The following PTPRM variants were observed in gnomAD, a reference collection of about 807,000 sequenced individuals.
The protein encoded by PTPRM is protein tyrosine phosphatase receptor type M.
A neutral mutation model predicts 186.7 loss-of-function variants in PTPRM; 47 were observed. The observed-to-expected ratio is 0.25, with a 90% CI of 0.20 to 0.32. The LOEUF is 0.32. Among genes scored for constraint, PTPRM ranks in the 10% least tolerant of loss-of-function variants. PTPRM has a pLI of 1.00. For synonymous variants in PTPRM, 668 were observed against 674.9 expected, an observed-to-expected ratio of 0.99 and a Z score of 0.16; for missense variants, 1,494 against 1,865.0, an observed-to-expected ratio of 0.80 and a Z score of 3.66.
intron 2 of PTPRM, among the ~76,000 whole-genome samples, chr18:7,827,366 C>T (rs995696138): frequency 2.0e-5 from 3 of 152,118 alleles, no homozygotes; most frequent in Non-Finnish European, 4.4e-5. Context: ...TGTAGCCCTT[C>T]TGGATTTTCT....
At chr18:8,046,680 C>T (rs1277990138) in intron 7 of PTPRM, among the ~76,000 whole-genome samples, 1 of 152,184 alleles carries the variant, frequency 6.6e-6, no homozygotes, top group Non-Finnish European at 1.5e-5. Context: ...TCCATGACAT[C>T]ATTTATTCTC....
chr18:8,002,986 TTAGG>T (rs1337702754), intron 7 of PTPRM, among the ~76,000 whole-genome samples: 1 of 152,194 alleles, frequency 6.6e-6, no homozygotes, highest in East Asian at 1.9e-4. Context: ...AAATTCTCTA[TTAGG>T]ACCAAAAAGA....
At chr18:8,128,028 C>G (rs953736473) in intron 13 of PTPRM, among the ~76,000 whole-genome samples, 2 of 152,070 alleles carry the variant, frequency 1.3e-5, no homozygotes, top group Non-Finnish European at 2.9e-5. Context: ...CAGTTGCACT[C>G]GAAAACGTAC....
At chr18:7,981,062 C>A (rs1473627252) in intron 7 of PTPRM, among the ~76,000 whole-genome samples, 2 of 152,132 alleles carry the variant, frequency 1.3e-5, no homozygotes, top group Non-Finnish European at 2.9e-5. Context: ...TTAGCACTTT[C>A]ATTTTCTTGA....
intron 1 of PTPRM, among the ~76,000 whole-genome samples, chr18:7,659,797 T>C (rs1481504292): frequency 1.3e-5 from 2 of 152,224 alleles, no homozygotes; most frequent in African/African-American, 4.8e-5. Flanking sequence ...ATGGGAATCC[T>C]GGTGCCAAAA....
At chr18:8,174,315 G>T (rs1245324631) in intron 14 of PTPRM, among the ~76,000 whole-genome samples, 1 of 152,144 alleles carries the variant, frequency 6.6e-6, no homozygotes, top group Non-Finnish European at 1.5e-5. Context: ...AGTTAGCTTG[G>T]CCTAAGTCTA....
chr18:7,768,320 G>A (rs538082124), intron 1 of PTPRM, among the ~76,000 whole-genome samples: 12 of 152,000 alleles, frequency 7.9e-5, no homozygotes, highest in Non-Finnish European at 7.4e-5. Flanking sequence ...GGGAGATCTC[G>A]TCTCTATCAA....
chr18:8,115,785 T>C (rs1225240620), intron 13 of PTPRM, among the ~76,000 whole-genome samples: 2 of 152,224 alleles, frequency 1.3e-5, no homozygotes, highest in African/African-American at 4.8e-5. Context: ...ATAGTTTGAA[T>C]ATACCATGAT....
rs2148502694 is a variant in PTPRM at position 8,379,192 on chromosome 18, T to C, written c.3638T>C (p.Leu1213Pro). 6.2e-7 allele frequency: 1 copy of C among 1,610,756 alleles called. No homozygotes were observed. The highest frequency in any genetic ancestry group is 8.5e-7 in the Non-Finnish European group (1 of 1,178,364). The change falls in exon 28 of 33, where the codon CTG becomes CCG. Residue 1213 changes from leucine to proline, a missense_variant. Coordinates refer to ENST00000580170, the MANE Select transcript of PTPRM (RefSeq NM_001105244.2). ...FRTLNMVTPT[L>P]RVEDCSIALL... ...ACGCTAAACATGGTGACACCAACGC[T>C]GCGAGTAGAGGACTGCAGCATCGCA...
intron 4 of PTPRM, among the ~76,000 whole-genome samples, chr18:7,923,595 G>T (rs1215207954): frequency 2.6e-5 from 4 of 152,132 alleles, no homozygotes; most frequent in African/African-American, 9.7e-5. Context: ...CAGAGATAAA[G>T]GTTTATATTC....
intron 15 of PTPRM, among the ~76,000 whole-genome samples, chr18:8,244,933 G>A (rs980443925): frequency 2.6e-5 from 4 of 152,172 alleles, no homozygotes; most frequent in Non-Finnish European, 5.9e-5. Context: ...TCTTTACTGT[G>A]TGAAATCTGT....
intron 5 of PTPRM, among the ~76,000 whole-genome samples, chr18:7,946,511 A>C (rs2147015304): frequency 6.6e-6 from 1 of 152,282 alleles, no homozygotes; most frequent in South Asian, 2.1e-4. Context: ...TAGTATGTCT[A>C]AGATTATCCT....
chr18:8,227,610 A>T (rs1049942849), intron 14 of PTPRM, among the ~76,000 whole-genome samples: 2 of 152,198 alleles, frequency 1.3e-5, no homozygotes, highest in African/African-American at 4.8e-5. Context: ...TTTCTATTAC[A>T]TAGAGACATT....
In PTPRM at chr18:7,784,512, A is replaced by G. The variant is rs146322763; in HGVS notation, c.196+10241A>G. On this transcript the variant is annotated intron_variant, in intron 2 of 32. Coordinates refer to ENST00000580170, the MANE Select transcript of PTPRM (RefSeq NM_001105244.2). ...CCCACCATCGTCACTCAACAATCAG[A>G]GCTTGCCCAGCTTCTCCAAACTTTT... is the stretch of plus-strand genomic sequence containing the variant. Among the ~76,000 whole-genome samples the G allele has an allele frequency of 1.3e-5, 2 of 152,272 alleles. 1 individual carries two copies. Among genetic ancestry groups the G allele is most frequent in the East Asian group, 3.9e-4 (2 of 5,162 alleles).
chr18:8,195,457 C>T (rs2093764615), intron 14 of PTPRM, among the ~76,000 whole-genome samples: 1 of 152,090 alleles, frequency 6.6e-6, no homozygotes, highest in Non-Finnish European at 1.5e-5. Context: ...AAAGAAAGCG[C>T]TATTCACAAT....
At chr18:8,001,187 C>T (rs975578802) in intron 7 of PTPRM, among the ~76,000 whole-genome samples, 27 of 152,206 alleles carry the variant, frequency 1.8e-4, no homozygotes, top group Middle Eastern at 3.4e-3. Flanking sequence ...ACAGCATTGG[C>T]GAGGGGTCTG....
intron 10 of PTPRM, among the ~76,000 whole-genome samples, chr18:8,088,038 T>C (rs1000711628): frequency 2.6e-5 from 4 of 152,182 alleles, no homozygotes; most frequent in Non-Finnish European, 4.4e-5. Context: ...ATTTGTAGAA[T>C]TATATTTGCC....
chr18:8,083,399 T>TTCC (rs1010458004), intron 9 of PTPRM, among the ~76,000 whole-genome samples: 5 of 152,136 alleles, frequency 3.3e-5, no homozygotes, highest in African/African-American at 1.2e-4. Flanking sequence ...ACTGCCTTAG[T>TTCC]TCCTACTGTT....
intron 1 of PTPRM, among the ~76,000 whole-genome samples, chr18:7,625,594 G>T (rs553362094): frequency 6.6e-6 from 1 of 151,538 alleles, no homozygotes; most frequent in Non-Finnish European, 1.5e-5. Flanking sequence ...GAGTGCAGTG[G>T]CGTGATCTCG....
Sources: gnomAD v4.1 joint callset for allele counts (sites outside exome capture counted in the v4.1 genomes callset) on GRCh38, gnomAD v4.1.1 for gene constraint, MANE v1.5 for transcripts, NCBI Gene and HGNC (gene_info 2026-07-23, HGNC 2026-07-21) for gene names.